Variants in PRDM15 observed in about 807,000 individuals in gnomAD.
PRDM15 encodes the protein PR/SET domain 15.
A neutral mutation model predicts 128.6 loss-of-function variants in PRDM15; 64 were observed. That is an observed-to-expected ratio of 0.50 (90% confidence interval 0.41 to 0.61). PRDM15 has a LOEUF of 0.61. Ranked by LOEUF, PRDM15 falls within the 20% of genes least tolerant of loss-of-function variation. The probability of loss-of-function intolerance (pLI) is 0.00; values close to 1 mark genes in which losing one functional copy is unlikely to be tolerated. For missense variants in PRDM15, 1,242 were observed against 1,569.1 expected, an observed-to-expected ratio of 0.79 and a Z score of 3.52; for synonymous variants, 615 against 621.8, an observed-to-expected ratio of 0.99 and a Z score of 0.16.
At chr21:41,817,178 G>A (rs976752279) in intron 18 of PRDM15, among the ~76,000 whole-genome samples, 1 of 151,978 alleles carries the variant, frequency 6.6e-6, no homozygotes, top group Non-Finnish European at 1.5e-5. Context: ...TGCTCTACTG[G>A]GATTGTGAGT....
chr21:41,844,420 C>CACGG (rs1452219923), intron 6 of PRDM15, among the ~76,000 whole-genome samples: 1 of 14,696 alleles, frequency 6.8e-5, no homozygotes, highest in Non-Finnish European at 1.6e-4. Flanking sequence ...CAGGGACACA[C>CACGG]ACACACACAC....
At position 41,879,031 on chromosome 21, in the gene PRDM15, C is replaced by A; in HGVS notation, c.-10+239G>T. On this transcript the variant is annotated intron_variant, in intron 1 of 23. Coordinates refer to ENST00000398548, the MANE Select transcript of PRDM15 (RefSeq NM_001040424.3). The surrounding 1 kb of genome is among the most constrained non-coding windows in gnomAD (Gnocchi z 5.1). Reference sequence around the variant, plus strand: ...GGCGGCGCGCAGGGCGATCCCGGAGCGGCTCCGGGAAATCCAGCCGGGTTT... The same window carrying A: ...GGCGGCGCGCAGGGCGATCCCGGAGAGGCTCCGGGAAATCCAGCCGGGTTT... 9.1e-7 allele frequency: 1 copy of A among 1,093,300 alleles called. No homozygotes were observed. The highest frequency in any genetic ancestry group is 1.1e-6 in the Non-Finnish European group (1 of 879,978). 67.7% of individuals were successfully genotyped at this position (1,093,300 alleles called of 1,614,324 possible).
rs2064543395 is a variant in PRDM15 at position 41,879,121 on chromosome 21, T to A, written c.-10+149A>T. On this transcript the variant is annotated intron_variant, in intron 1 of 23. Coordinates refer to ENST00000398548, the MANE Select transcript of PRDM15 (RefSeq NM_001040424.3). The surrounding 1 kb of genome is among the most constrained non-coding windows in gnomAD (Gnocchi z 5.1). Reference sequence around the variant, plus strand: ...AACAAAGAACAGTCGGCATGGCGGCTGGACCGGGGCGGCGCGCGGCTGCCG... The same window carrying A: ...AACAAAGAACAGTCGGCATGGCGGCAGGACCGGGGCGGCGCGCGGCTGCCG... 9.6e-7 allele frequency: 1 copy of A among 1,045,432 alleles called. No individual in the cohort carries two copies. Among genetic ancestry groups the A allele is most frequent in the Non-Finnish European group, 1.2e-6 (1 of 856,532 alleles). 64.8% of individuals were successfully genotyped at this position (1,045,432 alleles called of 1,614,324 possible).
chr21:41,847,307 G>A (rs1327386556), intron 5 of PRDM15, 116 bp from the exon 6 acceptor site: 4 of 659,818 alleles, frequency 6.1e-6, no homozygotes, highest in African/African-American at 3.6e-5. Flanking sequence ...CAGTGATGAC[G>A]GCAGCAGACG....
chr21:41,829,160 TAC>T (rs2062589513), intron 11 of PRDM15, among the ~76,000 whole-genome samples: 1 of 130,214 alleles, frequency 7.7e-6, no homozygotes, highest in South Asian at 2.5e-4. Context: ...AATACACAAA[TAC>T]ACAATCACAC....
At position 41,801,497 on chromosome 21, in the gene PRDM15, G is replaced by A. The variant is rs781029285; in HGVS notation, c.3169C>T (p.Arg1057Cys). 14 of 1,614,090 alleles carry A rather than the reference G, an allele frequency of 8.7e-6. No individual in the cohort carries two copies. The highest frequency in any genetic ancestry group is 1.6e-4 in the Middle Eastern group (1 of 6,082). The part of the protein sequence containing the change: ...TVSGSAMLHN[R>C]QNDVQIHPQP... ...GGGTGGATCTGGACGTCATTTTGGCGGTTGTGCAACATGGCAGAGCCGCTG... is the reference window on the plus strand; with the variant it reads ...GGGTGGATCTGGACGTCATTTTGGCAGTTGTGCAACATGGCAGAGCCGCTG... Residue 1057 changes from arginine to cysteine, a missense_variant, in exon 24 of 24, where the codon CGC (arginine) becomes TGC (cysteine). Around this residue, in one of 3 missense-constraint regions of PRDM15, gnomAD observed 602 missense variants for 788.3 expected, o/e 0.76. Coordinates refer to ENST00000398548, the MANE Select transcript of PRDM15 (RefSeq NM_001040424.3).
chr21:41,828,143 A>G lies in PRDM15; in HGVS notation c.1534+23T>C. 1 of 1,610,968 alleles carries G rather than the reference A, an allele frequency of 6.2e-7. No homozygotes were observed. On this transcript the variant is annotated intron_variant, in intron 12 of 23. Coordinates refer to ENST00000398548, the MANE Select transcript of PRDM15 (RefSeq NM_001040424.3). The surrounding 1 kb of genome is among the most constrained non-coding windows in gnomAD (Gnocchi z 5.7). ...GCAGGAGCTGCCTCTCCCCGCCCGC[A>G]GCAGGTGCGCAGGCGGCCTCACCTT... is the stretch of plus-strand genomic sequence containing the variant.
chr21:41,813,834 GA>G (rs1178464459), intron 19 of PRDM15: 2 of 150,934 alleles, frequency 1.3e-5, no homozygotes, highest in African/African-American at 4.9e-5. Context: ...AGTTTTATGA[GA>G]ACGCCTTGTG....
intron 1 of PRDM15, among the ~76,000 whole-genome samples, chr21:41,866,956 A>G (rs1893588): frequency 0.74 from 112,591 of 152,036 alleles, 41,907 homozygotes; most frequent in Non-Finnish European, 0.77. Flanking sequence ...CAGTACAAAC[A>G]GGGAAAGGTC....
At chr21:41,806,736 CAT>C (rs1371371597) in intron 21 of PRDM15, among the ~76,000 whole-genome samples, 3 of 120,020 alleles carry the variant, frequency 2.5e-5, no homozygotes, top group African/African-American at 6.6e-5. Context: ...TCACCATCAC[CAT>C]ACCACCACCA....
At chr21:41,845,322 C>A (rs1450043570) in intron 6 of PRDM15, among the ~76,000 whole-genome samples, 1 of 133,652 alleles carries the variant, frequency 7.5e-6, no homozygotes, top group Non-Finnish European at 1.6e-5. Flanking sequence ...GCCCCTCCCC[C>A]TCACAGGGAC....
chr21:41,866,027 C>G (rs935516742), intron 1 of PRDM15, among the ~76,000 whole-genome samples: 1 of 152,144 alleles, frequency 6.6e-6, no homozygotes, highest in Non-Finnish European at 1.5e-5. Context: ...AGGTATGAGA[C>G]CCCACGCCCA....
In PRDM15 at chr21:41,828,411, CG is replaced by C. The variant is rs2062547918; in HGVS notation, c.1367-79del. 1 of 1,508,642 alleles carries C rather than the reference CG, an allele frequency of 6.6e-7. No homozygotes were observed. Among genetic ancestry groups the C allele is most frequent in the Non-Finnish European group, 9.1e-7 (1 of 1,093,604 alleles). The allele number at this position is 1,508,642 out of a possible 1,614,324, so 93.5% of individuals were successfully genotyped here. A position where few individuals can be genotyped will look rare whatever the true frequency, so the allele number is the denominator to read the frequency against. On this transcript the variant is annotated intron_variant, in intron 11 of 23. Transcript: ENST00000398548. This position sits in a 1 kb window ranked among gnomAD's most constrained non-coding sequence, Gnocchi z 5.7. The stretch of plus-strand genomic sequence containing the variant: ...CGCAGGCACGCACGTGTGGCCTGAA[CG>C]TCAATAAAGCGCGGGTGACGGGCAT...
In PRDM15 at chr21:41,879,117, C is replaced by T. The variant is rs2064543267; in HGVS notation, c.-10+153G>A. Reference sequence around the variant, plus strand: ...ATGTAACAAAGAACAGTCGGCATGGCGGCTGGACCGGGGCGGCGCGCGGCT... The same window carrying T: ...ATGTAACAAAGAACAGTCGGCATGGTGGCTGGACCGGGGCGGCGCGCGGCT... On this transcript the variant is annotated intron_variant, in intron 1 of 23. Coordinates refer to ENST00000398548, the MANE Select transcript of PRDM15 (RefSeq NM_001040424.3). This position sits in a 1 kb window ranked among gnomAD's most constrained non-coding sequence, Gnocchi z 5.1. 15 of 1,057,766 alleles carry T rather than the reference C, an allele frequency of 1.4e-5. No homozygotes were observed. The highest frequency in any genetic ancestry group is 1.6e-5 in the Non-Finnish European group (14 of 861,624). 65.5% of individuals were successfully genotyped at this position (1,057,766 alleles called of 1,614,324 possible). A position where few individuals can be genotyped will look rare whatever the true frequency, so the allele number is the denominator to read the frequency against.
In PRDM15 at chr21:41,800,474, T is replaced by C. The variant is rs187504351; in HGVS notation, c.*766A>G. The C allele has an allele frequency of 1.3e-5, 2 of 152,374 alleles. No individual in the cohort carries two copies. Among genetic ancestry groups the C allele is most frequent in the African/African-American group, 2.4e-5 (1 of 41,446 alleles). The allele number at this position is 152,374 out of a possible 1,614,324, so 9.4% of individuals were successfully genotyped here. ...AACACAATATTGGCCATAACAGTCT[T>C]GAACACATAATGTATGTTTGAAATA... On this transcript the variant is annotated 3_prime_UTR_variant, in exon 24 of 24. Transcript: ENST00000398548.
chr21:41,874,524 TA>T lies in PRDM15; in HGVS notation c.-10+4745del, dbSNP rs1168065395. ...ATGCATATATATATATATATATATA[TA>T]TTTTTTTTTTTTTTTGAAACTTACA... On this transcript the variant is annotated intron_variant, in intron 1 of 23. Coordinates refer to ENST00000398548, the MANE Select transcript of PRDM15 (RefSeq NM_001040424.3). Among the ~76,000 whole-genome samples the T allele has an allele frequency of 3.7e-3, 174 of 47,064 alleles. 1 individual carries two copies. Among genetic ancestry groups the T allele is most frequent in the Middle Eastern group, 0.031 (2 of 64 alleles). The allele number at this position is 47,064 out of a possible 152,430, so 30.9% of individuals were successfully genotyped here. A position where few individuals can be genotyped will look rare whatever the true frequency, so the allele number is the denominator to read the frequency against.
rs2062542363 is a variant in PRDM15, at chr21:41,828,279, T to C, written c.1421A>G (p.Asn474Ser). The C allele has an allele frequency of 6.2e-7, 1 of 1,613,738 alleles. No individual in the cohort carries two copies. The highest frequency in any genetic ancestry group is 8.5e-7 in the Non-Finnish European group (1 of 1,179,950). The part of the protein sequence containing the change: ...MCFRFFSTNS[N>S]LSKHKKKHGD... Reference sequence around the variant, plus strand: ...GTGCTTCTTCTTGTGCTTGGAGAGGTTGCTGTTGGTGGAGAAGAATCTGAA... The same window carrying C: ...GTGCTTCTTCTTGTGCTTGGAGAGGCTGCTGTTGGTGGAGAAGAATCTGAA... Residue 474 changes from asparagine to serine, a missense_variant, in exon 12 of 24, where the codon AAC becomes AGC. Around this residue, in one of 3 missense-constraint regions of PRDM15, gnomAD observed 612 missense variants for 717.0 expected, o/e 0.85. Coordinates refer to ENST00000398548, the MANE Select transcript of PRDM15 (RefSeq NM_001040424.3). The surrounding 1 kb of genome is among the most constrained non-coding windows in gnomAD (Gnocchi z 5.7).
At chr21:41,869,750 A>AT (rs1488700533) in intron 1 of PRDM15, among the ~76,000 whole-genome samples, 1 of 152,204 alleles carries the variant, frequency 6.6e-6, no homozygotes, top group East Asian at 1.9e-4. Context: ...CAGCTAGAAA[A>AT]GTCTTATAAG....
intron 14 of PRDM15, 134 bp downstream of exon 14, chr21:41,823,184 C>G (rs769112243): frequency 1.7e-6 from 2 of 1,208,002 alleles, no homozygotes; most frequent in South Asian, 2.6e-5. Context: ...GGTCTAGCCT[C>G]CAGAACCGTG....
Sources: allele counts gnomAD v4.1 joint callset (sites outside exome capture counted in the v4.1 genomes callset), GRCh38; gene constraint gnomAD v4.1.1; regional missense constraint gnomAD v4.1.1; non-coding constraint Gnocchi (gnomAD v3.1); transcripts MANE v1.5; gene names NCBI Gene and HGNC (gene_info 2026-07-23, HGNC 2026-07-21).